The following HCN1 variants were observed in gnomAD, a reference collection of about 807,000 sequenced individuals.
The protein encoded by HCN1 is potassium/sodium hyperpolarization-activated cyclic nucleotide-gated channel 1.
In HCN1, 13 loss-of-function variants were observed where a neutral mutation model predicts 78.9. That is an observed-to-expected ratio of 0.16 (90% CI 0.11 to 0.26). The LOEUF (loss-of-function observed/expected upper bound fraction) is 0.26, where lower values mean the gene tolerates loss of function less well. HCN1 is among the 10% of genes least tolerant of loss of function. The pLI is 1.00. For missense variants in HCN1, 810 were observed against 1,154.3 expected (o/e 0.70, Z 4.32); for synonymous variants, 552 against 455.5 (o/e 1.21, Z -2.70).
intron 4 of HCN1, among the ~76,000 whole-genome samples, chr5:45,374,133 TTA>T (rs1156755404): frequency 3.5e-5 from 4 of 114,860 alleles, no homozygotes; most frequent in Non-Finnish European, 5.0e-5. Flanking sequence ...ATAATATATA[TTA>T]TATACATATT....
chr5:45,448,147 T>C (rs976501987), intron 3 of HCN1, among the ~76,000 whole-genome samples: 4 of 152,298 alleles, frequency 2.6e-5, no homozygotes, highest in Non-Finnish European at 5.9e-5. Flanking sequence ...AATTCATACA[T>C]CATTTTCATA....
At chr5:45,491,556 C>A (rs976051644) in intron 2 of HCN1, among the ~76,000 whole-genome samples, 1 of 152,160 alleles carries the variant, frequency 6.6e-6, no homozygotes, top group Non-Finnish European at 1.5e-5. Flanking sequence ...AATTGCTCAA[C>A]CTCTTTGAAC....
chr5:45,375,429 AT>A (rs1561131453), intron 4 of HCN1, among the ~76,000 whole-genome samples: 80 of 117,698 alleles, frequency 6.8e-4, no homozygotes, highest in African/African-American at 1.4e-3. Context: ...TTTATGATAC[AT>A]ATTATATATA....
intron 2 of HCN1, among the ~76,000 whole-genome samples, chr5:45,468,185 G>T (rs1181998932): frequency 6.6e-6 from 1 of 152,074 alleles, no homozygotes; most frequent in Non-Finnish European, 1.5e-5. Context: ...TTTCTTCTGA[G>T]AAATCTTTTT....
At chr5:45,310,981 C>G (rs1745841166) in intron 5 of HCN1, among the ~76,000 whole-genome samples, 1 of 151,974 alleles carries the variant, frequency 6.6e-6, no homozygotes, top group African/African-American at 2.4e-5. Context: ...CATGGACATA[C>G]AGAGAGGAAC....
chr5:45,324,505 C>G (rs945215322), intron 5 of HCN1, among the ~76,000 whole-genome samples: 6 of 151,758 alleles, frequency 4.0e-5, no homozygotes, highest in Admixed American at 6.6e-5. Context: ...GAAACAACAG[C>G]TGCTGGAGAG....
chr5:45,307,823 T>C (rs1745767137), intron 5 of HCN1, among the ~76,000 whole-genome samples: 1 of 152,086 alleles, frequency 6.6e-6, no homozygotes, highest in Admixed American at 6.6e-5. Context: ...TGTATCAATA[T>C]TGAGTCATAA....
chr5:45,456,954 G>C (rs1206492985), intron 3 of HCN1, among the ~76,000 whole-genome samples: 1 of 151,930 alleles, frequency 6.6e-6, no homozygotes, highest in Admixed American at 6.6e-5. Flanking sequence ...GACACAACCT[G>C]CTCCAACTAC....
chr5:45,653,696 C>A (rs552270666), intron 1 of HCN1, among the ~76,000 whole-genome samples: 9 of 151,938 alleles, frequency 5.9e-5, no homozygotes, highest in African/African-American at 2.2e-4. Context: ...AAAATAAATA[C>A]GACCATAGGT....
chr5:45,425,731 G>C (rs1047973268), intron 3 of HCN1, among the ~76,000 whole-genome samples: 13 of 152,132 alleles, frequency 8.5e-5, no homozygotes, highest in Non-Finnish European at 1.9e-4. Flanking sequence ...AGAATCATTG[G>C]AATTCAAGGA....
intron 5 of HCN1, among the ~76,000 whole-genome samples, chr5:45,306,181 A>G (rs968213792): frequency 3.9e-5 from 6 of 152,138 alleles, no homozygotes; most frequent in African/African-American, 1.2e-4. Context: ...GAAATTGAAA[A>G]TAAGTCAGAT....
At chr5:45,329,833 T>C (rs1423543476) in intron 5 of HCN1, among the ~76,000 whole-genome samples, 8 of 151,552 alleles carry the variant, frequency 5.3e-5, no homozygotes, top group Admixed American at 3.3e-4. Context: ...CTGTGACTTA[T>C]GGCTTAGAAG....
At chr5:45,452,358 A>G (rs1267105556) in intron 3 of HCN1, among the ~76,000 whole-genome samples, 1 of 149,832 alleles carries the variant, frequency 6.7e-6, no homozygotes, top group Non-Finnish European at 1.5e-5. Flanking sequence ...TCCAGGGTAC[A>G]TATGCAGGTT....
intron 6 of HCN1, among the ~76,000 whole-genome samples, chr5:45,270,209 G>T (rs1001705209): frequency 7.9e-5 from 12 of 152,152 alleles, no homozygotes; most frequent in Admixed American, 2.0e-4. Context: ...GACAGCAAAA[G>T]ACTTTCTTCC....
At chr5:45,524,015 T>A (rs1239983032) in intron 2 of HCN1, among the ~76,000 whole-genome samples, 1 of 152,150 alleles carries the variant, frequency 6.6e-6, no homozygotes, top group African/African-American at 2.4e-5. Context: ...AAGTCTTTAA[T>A]CCATCTTGAA....
At chr5:45,523,414 G>C (rs879939121) in intron 2 of HCN1, among the ~76,000 whole-genome samples, 70 of 152,094 alleles carry the variant, frequency 4.6e-4, no homozygotes, top group Non-Finnish European at 8.4e-4. Flanking sequence ...TCTAGTTCTA[G>C]ATCCCTGAGG....
intron 2 of HCN1, among the ~76,000 whole-genome samples, chr5:45,552,771 C>T (rs550594489): frequency 2.6e-5 from 4 of 151,950 alleles, no homozygotes; most frequent in African/African-American, 9.6e-5. Flanking sequence ...GTAAGCTTAT[C>T]ATTAAAATTC....
At chr5:45,690,831 C>T (rs938995043) in intron 1 of HCN1, among the ~76,000 whole-genome samples, 1 of 152,000 alleles carries the variant, frequency 6.6e-6, no homozygotes, top group Non-Finnish European at 1.5e-5. Flanking sequence ...TCATGTAGTG[C>T]TAATGATCTG....
chr5:45,600,248 G>A (rs1046799302), intron 2 of HCN1, among the ~76,000 whole-genome samples: 1 of 151,692 alleles, frequency 6.6e-6, no homozygotes, highest in African/African-American at 2.4e-5. Flanking sequence ...ACAGCAACAA[G>A]GCAGAAAGAG....
Sources: allele counts gnomAD v4.1 joint callset (sites outside exome capture counted in the v4.1 genomes callset), GRCh38; gene constraint gnomAD v4.1.1; transcripts MANE v1.5; gene names NCBI Gene and HGNC (gene_info 2026-07-23, HGNC 2026-07-21).